CHODL: variants seen among roughly 807,000 people sequenced by gnomAD.
CHODL encodes the protein transmembrane protein MT75.
In CHODL, 29 loss-of-function variants were observed where a neutral mutation model predicts 34.5. The observed-to-expected ratio is 0.84, with a 90% CI of 0.63 to 1.15. The LOEUF is 1.15. Ranked by LOEUF, CHODL falls within the 50% of genes most tolerant of loss-of-function variation. The pLI is 0.00. For synonymous variants in CHODL, 125 were observed against 116.1 expected, an observed-to-expected ratio of 1.08 and a Z score of -0.49; for missense variants, 332 against 332.5, an observed-to-expected ratio of 1.00 and a Z score of 0.01.
chr21:18,158,321 G>C (rs993084828), intron 2 of CHODL, among the ~76,000 whole-genome samples: 2 of 151,948 alleles, frequency 1.3e-5, no homozygotes, highest in African/African-American at 4.8e-5. Context: ...GCCCCTTTTA[G>C]CATCTGCCTG....
Position 17,982,854 on chromosome 21 carries a change from C to T in CHODL, c.-144-45018C>T, listed in dbSNP as rs1381349689. Among the ~76,000 whole-genome samples, 5 of 151,490 alleles carry T rather than the reference C, an allele frequency of 3.3e-5. No individual in the cohort carries two copies. The East Asian group carries it at 9.7e-4, about 29-fold the overall frequency. ...GCCTTCTGAGTACCTGGGATTACAG[C>T]CATGAACCACCCACTCCCTCCAACC... On this transcript the variant is annotated intron_variant, in intron 1 of 6. Coordinates refer to the CHODL transcript ENST00000400127.
At chr21:18,051,260 C>T (rs1026345437) in intron 2 of CHODL, among the ~76,000 whole-genome samples, 1 of 151,882 alleles carries the variant, frequency 6.6e-6, no homozygotes, top group Non-Finnish European at 1.5e-5. Context: ...GACGTGAACT[C>T]ATCCTTTTTT....
chr21:18,096,829 C>A (rs1039418564), intron 2 of CHODL, among the ~76,000 whole-genome samples: 1 of 152,032 alleles, frequency 6.6e-6, no homozygotes, highest in Non-Finnish European at 1.5e-5. Flanking sequence ...TCGTTCACTC[C>A]CTCCCCTTCT....
At chr21:17,982,809 G>A (rs1468535239) in intron 1 of CHODL, among the ~76,000 whole-genome samples, 1 of 140,128 alleles carries the variant, frequency 7.1e-6, no homozygotes, top group Non-Finnish European at 1.5e-5. Flanking sequence ...CCAGGTTCAT[G>A]TGATTCTCCT....
At chr21:18,252,569 C>T (rs1217215133) in intron 1 of CHODL, among the ~76,000 whole-genome samples, 1 of 152,050 alleles carries the variant, frequency 6.6e-6, no homozygotes, top group Non-Finnish European at 1.5e-5. Flanking sequence ...GATTTTGCTG[C>T]AACTTGGACC....
At chr21:18,220,844 C>G (rs975754644) in intron 2 of CHODL, among the ~76,000 whole-genome samples, 1 of 152,036 alleles carries the variant, frequency 6.6e-6, no homozygotes, top group Non-Finnish European at 1.5e-5. Flanking sequence ...TGGTTTTTGA[C>G]AGTTTGACTA....
intron 1 of CHODL, among the ~76,000 whole-genome samples, chr21:18,250,501 G>A (rs1209833225): frequency 6.6e-6 from 1 of 151,662 alleles, no homozygotes; most frequent in African/African-American, 2.4e-5. Context: ...ATAGACTCCA[G>A]CTATAGTGCA....
intron 2 of CHODL, among the ~76,000 whole-genome samples, chr21:18,066,583 A>G (rs986000301): frequency 2.0e-5 from 3 of 152,134 alleles, no homozygotes; most frequent in African/African-American, 7.2e-5. Flanking sequence ...CATTACCCAA[A>G]CAGAAATATG....
intron 1 of CHODL, among the ~76,000 whole-genome samples, chr21:17,936,232 A>T (rs2063318117): frequency 1.3e-5 from 2 of 152,290 alleles, no homozygotes; most frequent in Admixed American, 1.3e-4. Context: ...ACAGGAGCAA[A>T]ATCTAAAAGT....
intron 2 of CHODL, among the ~76,000 whole-genome samples, chr21:18,198,600 T>C (rs1298181691): frequency 6.6e-6 from 1 of 152,176 alleles, no homozygotes; most frequent in Non-Finnish European, 1.5e-5. Flanking sequence ...AATTTCTCAA[T>C]GTTTTGCAAC....
intron 2 of CHODL, among the ~76,000 whole-genome samples, chr21:18,236,468 A>G (rs2146763708): frequency 6.6e-6 from 1 of 152,156 alleles, no homozygotes; most frequent in South Asian, 2.1e-4. Context: ...ATAGCTATTT[A>G]TTGATTGAAA....
intron 1 of CHODL, among the ~76,000 whole-genome samples, chr21:17,945,418 G>T (rs1028540823): frequency 6.6e-5 from 10 of 151,678 alleles, no homozygotes; most frequent in Admixed American, 2.0e-4. Context: ...CAGTAAAAAA[G>T]AACCACATAG....
At chr21:18,234,656 A>T (rs1404243062) in intron 2 of CHODL, among the ~76,000 whole-genome samples, 1 of 152,012 alleles carries the variant, frequency 6.6e-6, no homozygotes, top group African/African-American at 2.4e-5. Context: ...GAGGCTGCTG[A>T]TGTATGGGCA....
At chr21:17,926,760 G>C (rs966985548) in intron 1 of CHODL, among the ~76,000 whole-genome samples, 2 of 152,064 alleles carry the variant, frequency 1.3e-5, no homozygotes, top group African/African-American at 4.8e-5. Flanking sequence ...TGGGGACACA[G>C]CCAAACCATA....
chr21:18,014,363 G>C (rs1367786211), intron 1 of CHODL, among the ~76,000 whole-genome samples: 1 of 152,168 alleles, frequency 6.6e-6, no homozygotes, highest in South Asian at 2.1e-4. Context: ...AGTCCTAAGT[G>C]AATTAATGCA....
intron 2 of CHODL, among the ~76,000 whole-genome samples, chr21:18,098,066 A>G (rs1257517222): frequency 6.6e-6 from 1 of 152,102 alleles, no homozygotes; most frequent in Non-Finnish European, 1.5e-5. Context: ...TAAAATCTAA[A>G]TGGATTAAAA....
At chr21:18,057,063 C>A (rs2146477845) in intron 2 of CHODL, among the ~76,000 whole-genome samples, 1 of 152,160 alleles carries the variant, frequency 6.6e-6, no homozygotes, top group Non-Finnish European at 1.5e-5. Flanking sequence ...TGAGGAACTT[C>A]CATGTCATTA....
intron 2 of CHODL, among the ~76,000 whole-genome samples, chr21:18,231,968 G>A (rs1347371511): frequency 6.6e-6 from 1 of 151,908 alleles, no homozygotes; most frequent in Non-Finnish European, 1.5e-5. Context: ...TAGTGATCCT[G>A]CCCCAGTTTC....
chr21:18,013,814 T>C (rs1263053274), intron 1 of CHODL, among the ~76,000 whole-genome samples: 1 of 151,708 alleles, frequency 6.6e-6, no homozygotes, highest in Non-Finnish European at 1.5e-5. Context: ...TTTGTATTTT[T>C]AGTAGAGATG....
Sources: gnomAD v4.1 joint callset for allele counts (sites outside exome capture counted in the v4.1 genomes callset) on GRCh38, gnomAD v4.1.1 for gene constraint, MANE v1.5 for transcripts, NCBI Gene and HGNC (gene_info 2026-07-23, HGNC 2026-07-21) for gene names.